Variants in CSF1R observed in about 807,000 individuals in gnomAD.
CSF1R encodes the protein macrophage colony-stimulating factor 1 receptor.
Under a neutral mutation model 110.0 loss-of-function variants are expected in CSF1R, and 40 were observed. That is an observed-to-expected ratio of 0.36 (90% CI 0.28 to 0.47). The LOEUF (loss-of-function observed/expected upper bound fraction) is 0.47, where lower values mean the gene tolerates loss of function less well. Ranked by LOEUF, CSF1R falls within the 20% of genes least tolerant of loss-of-function variation. The probability of loss-of-function intolerance (pLI) is 0.99; values close to 1 mark genes in which losing one functional copy is unlikely to be tolerated. For synonymous variants in CSF1R, 523 were observed against 503.4 expected (o/e 1.04, Z -0.52); for missense variants, 1,052 against 1,253.0 (o/e 0.84, Z 2.42).
At chr5:150,107,170 T>C (rs921144427) in intron 1 of CSF1R, among the ~76,000 whole-genome samples, 2 of 152,248 alleles carry the variant, frequency 1.3e-5, no homozygotes, top group African/African-American at 2.4e-5. Flanking sequence ...CAGCAAATGC[T>C]TCATGTGTCA....
Position 150,069,796 on chromosome 5 carries a change from T to C in CSF1R, c.1510+77A>G, listed in dbSNP as rs1296418507. On this transcript the variant is annotated intron_variant, in intron 9 of 20. Transcript: ENST00000675795. ...CAACCCCAGCTCCCTCGGTGGGGGG[T>C]GGGGGAGGAGCCGCCTAAAGGAGCA... The C allele has an allele frequency of 2.9e-6, 3 of 1,035,040 alleles. No homozygotes were observed. The African/African-American group carries it at 7.6e-5, about 26-fold the overall frequency. 64.1% of individuals were successfully genotyped at this position (1,035,040 alleles called of 1,614,324 possible). A position where few individuals can be genotyped will look rare whatever the true frequency, so the allele number is the denominator to read the frequency against.
Position 150,054,337 on chromosome 5 carries a change from C to T in CSF1R, c.2748G>A (p.Glu916=). 1.9e-6 allele frequency: 3 copies of T among 1,614,194 alleles called. No individual in the cohort carries two copies. The highest frequency in any genetic ancestry group is 3.3e-4 in the Middle Eastern group (2 of 6,062). The change falls in exon 20 of 21, where the codon GAG becomes GAA. Residue 916 remains glutamate, a synonymous_variant. Coordinates refer to ENST00000675795, the MANE Select transcript of CSF1R (RefSeq NM_001288705.3). ...CCCCACTCACCCGCTCTCTCCTGTC[C>T]TCTTGGGCCTGCTCCTGAAGGAAGG... ...ICSFLQEQAQ[E]DRRERDYTNL...
chr5:150,061,809 T>A lies in CSF1R; in HGVS notation c.1667A>T (p.Tyr556Phe). Residue 556 changes from tyrosine to phenylalanine, a missense_variant, in exon 11 of 21, where the codon TAT becomes TTT. Around this residue, in one of 5 missense-constraint regions of CSF1R, gnomAD observed 693 missense variants for 735.4 expected, o/e 0.94. Coordinates refer to ENST00000675795, the MANE Select transcript of CSF1R (RefSeq NM_001288705.3). ...YQVRWKIIES[Y>F]EGNSYTFIDP... is the part of the protein sequence containing the mutation. ...GATGAAAGTATAACTGTTGCCCTCA[T>A]AGCTCTCGATGATCTTCCAGCGGAC... is the stretch of plus-strand genomic sequence containing the variant. 6.2e-7 allele frequency: 1 copy of A among 1,614,194 alleles called. No homozygotes were observed. Among genetic ancestry groups the A allele is most frequent in the South Asian group, 1.1e-5 (1 of 91,082 alleles).
intron 14 of CSF1R, among the ~76,000 whole-genome samples, chr5:150,058,931 CAT>C (rs776381010): frequency 6.6e-5 from 10 of 152,294 alleles, no homozygotes; most frequent in East Asian, 1.9e-4. Flanking sequence ...AACCCTGACT[CAT>C]GTGTGACATG....
At chr5:150,078,564 CTA>C (rs1019823949) in intron 3 of CSF1R, among the ~76,000 whole-genome samples, 2 of 152,298 alleles carry the variant, frequency 1.3e-5, no homozygotes, top group African/African-American at 2.4e-5. Context: ...AGATTCTTCA[CTA>C]AAGTGACCTC....
rs1262279194 is a variant in CSF1R, at chr5:150,073,591, G to T, written c.890-98C>A. On this transcript the variant is annotated intron_variant, in intron 5 of 20. Coordinates refer to ENST00000675795, the MANE Select transcript of CSF1R (RefSeq NM_001288705.3). ...CACCCATTGATCCAGTCCCTGAGCA[G>T]CTATGTCACAGGTACATAGTCCCCA... 10 of 1,276,454 alleles carry T rather than the reference G, an allele frequency of 7.8e-6. No homozygotes were observed. The South Asian group carries it at 8.4e-5, about 11-fold the overall frequency. The allele number at this position is 1,276,454 out of a possible 1,614,324, so 79.1% of individuals were successfully genotyped here.
At chr5:150,066,502 AAG>A (rs1213190333) in intron 10 of CSF1R, among the ~76,000 whole-genome samples, 5 of 152,178 alleles carry the variant, frequency 3.3e-5, no homozygotes, top group Non-Finnish European at 5.9e-5. Flanking sequence ...CCCATGGTAT[AAG>A]AGGGGAAACT....
rs1409855304 is a variant in CSF1R, at chr5:150,054,216, G to A, written c.2772C>T (p.Thr924=). The part of the protein sequence containing the change: ...AQEDRRERDY[T]NLPSSSRSGG... ...CGCTTCTGCTGCTGCTCGGCAGATTGGTATAGTCCTGAGGGTGGGAGGGAC... is the reference window on the plus strand; with the variant it reads ...CGCTTCTGCTGCTGCTCGGCAGATTAGTATAGTCCTGAGGGTGGGAGGGAC... Residue 924 remains threonine (T), a synonymous_variant, in exon 21 of 21, where the codon ACC becomes ACT. Coordinates refer to ENST00000675795, the MANE Select transcript of CSF1R (RefSeq NM_001288705.3). 1.2e-6 allele frequency: 2 copies of A among 1,612,014 alleles called. No homozygotes were observed. Among genetic ancestry groups the A allele is most frequent in the Non-Finnish European group, 8.5e-7 (1 of 1,179,088 alleles).
At chr5:150,055,539 T>A (rs934369411) in intron 18 of CSF1R, among the ~76,000 whole-genome samples, 3 of 152,198 alleles carry the variant, frequency 2.0e-5, no homozygotes, top group Non-Finnish European at 4.4e-5. Flanking sequence ...ATCCAGGCCT[T>A]ATCACACCAA....
chr5:150,063,066 G>T (rs1009693093), intron 10 of CSF1R, among the ~76,000 whole-genome samples: 1 of 151,946 alleles, frequency 6.6e-6, no homozygotes, highest in Non-Finnish European at 1.5e-5. Flanking sequence ...CCCCAGACTG[G>T]CATGCAGTGG....
At chr5:150,096,504 T>C (rs997377773) in intron 1 of CSF1R, among the ~76,000 whole-genome samples, 8 of 152,238 alleles carry the variant, frequency 5.3e-5, no homozygotes, top group African/African-American at 1.9e-4. Context: ...TATCCCAATA[T>C]CATGACCACA....
At chr5:150,103,058 A>G (rs1393475403) in intron 1 of CSF1R, among the ~76,000 whole-genome samples, 1 of 152,246 alleles carries the variant, frequency 6.6e-6, no homozygotes, top group Non-Finnish European at 1.5e-5. Flanking sequence ...TGAAGTGCAT[A>G]GCTCTATTGC....
intron 1 of CSF1R, chr5:150,094,500 A>G: frequency 6.2e-7 from 1 of 1,600,028 alleles, no homozygotes; most frequent in East Asian, 2.2e-5. Flanking sequence ...GATGTACAGG[A>G]CTGAAATTCG....
chr5:150,056,415 G>T, intron 16 of CSF1R, 74 bp from the exon 17 acceptor site: 1 of 1,581,888 alleles, frequency 6.3e-7, no homozygotes. Context: ...ATGGCAGGGA[G>T]GGCCCCACAT....
chr5:150,073,935 G>A (rs1758141342), intron 5 of CSF1R, among the ~76,000 whole-genome samples: 2 of 152,162 alleles, frequency 1.3e-5, no homozygotes, highest in South Asian at 4.1e-4. Flanking sequence ...GTGTAACCCA[G>A]GCCAACCAGT....
chr5:150,108,182 A>G (rs899345293), intron 1 of CSF1R, among the ~76,000 whole-genome samples: 3 of 152,216 alleles, frequency 2.0e-5, no homozygotes, highest in East Asian at 1.9e-4. Flanking sequence ...TGCTGAACAG[A>G]TGTGAGGGCC....
At chr5:150,113,231 TC>T (rs1477373952) in intron 1 of CSF1R, 2 of 154,114 alleles carry the variant, frequency 1.3e-5, no homozygotes, top group South Asian at 4.1e-4. Context: ...CACAGCCTGG[TC>T]GCCACCCTAT....
chr5:150,110,870 T>G (rs1323083639), intron 1 of CSF1R, among the ~76,000 whole-genome samples: 1 of 152,140 alleles, frequency 6.6e-6, no homozygotes, highest in Non-Finnish European at 1.5e-5. Flanking sequence ...GTAATGGATT[T>G]TTAAATACAG....
At chr5:150,090,051 A>G (rs1344538089), upstream of CSF1R, among the ~76,000 whole-genome samples, 1 of 152,188 alleles carries the variant, frequency 6.6e-6, no homozygotes. Flanking sequence ...AGACCTAAAT[A>G]TAAAAGCTAA....
Sources: gnomAD v4.1 joint callset for allele counts (sites outside exome capture counted in the v4.1 genomes callset) on GRCh38, gnomAD v4.1.1 for gene constraint, gnomAD v4.1.1 regional missense constraint, MANE v1.5 for transcripts, NCBI Gene and HGNC (gene_info 2026-07-23, HGNC 2026-07-21) for gene names.